Variants in TMEM272 observed in about 807,000 individuals in gnomAD.
The protein encoded by TMEM272 is transmembrane protein 272.
In TMEM272, 8 loss-of-function variants were observed where a neutral mutation model predicts 3.7. That is an observed-to-expected ratio of 2.17 (90% CI 1.27 to 3.91). The LOEUF (loss-of-function observed/expected upper bound fraction) is 3.91, where lower values mean the gene tolerates loss of function less well. TMEM272 is among the 30% of genes most tolerant of loss of function. The pLI is 0.00. For missense variants in TMEM272, 166 were observed against 91.5 expected (o/e 1.81, Z -3.32); for synonymous variants, 63 against 39.8 (o/e 1.58, Z -2.20).
the TMEM272 span, among the ~76,000 whole-genome samples, chr13:51,926,088 T>C: frequency 6.6e-6 from 1 of 151,582 alleles, no homozygotes; most frequent in African/African-American, 2.4e-5. Flanking sequence ...TATGAGTGTG[T>C]GGTATGTGGT....
intron 1 of TMEM272, among the ~76,000 whole-genome samples, chr13:51,839,592 A>G (rs1956244256): frequency 6.6e-6 from 1 of 152,168 alleles, no homozygotes; most frequent in African/African-American, 2.4e-5. Flanking sequence ...AAACCAAGGG[A>G]CCACAGCATT....
At chr13:51,863,128 T>C in the TMEM272 span, among the ~76,000 whole-genome samples, 1 of 152,202 alleles carries the variant, frequency 6.6e-6, no homozygotes, top group Non-Finnish European at 1.5e-5. Flanking sequence ...GGATGCGACA[T>C]GTGCTTCACC....
chr13:51,883,673 G>A, the TMEM272 span, among the ~76,000 whole-genome samples: 153 of 152,220 alleles, frequency 1.0e-3, no homozygotes, highest in Non-Finnish European at 1.7e-3. Context: ...ATCTGGGCCC[G>A]GCAGCTCGGT....
At chr13:51,824,863 G>T (rs1005039616) in intron 3 of TMEM272, among the ~76,000 whole-genome samples, 3 of 152,246 alleles carry the variant, frequency 2.0e-5, no homozygotes, top group African/African-American at 7.2e-5. Flanking sequence ...TGAGGCACAA[G>T]AATCACTTGA....
the TMEM272 span, chr13:51,865,317 C>T: frequency 2.2e-6 from 3 of 1,391,072 alleles, no homozygotes; most frequent in South Asian, 4.2e-5. Context: ...TCTGTCTTTT[C>T]TGCTGCCCCC....
chr13:51,903,485 G>T, the TMEM272 span, among the ~76,000 whole-genome samples: 8 of 152,160 alleles, frequency 5.3e-5, no homozygotes, highest in African/African-American at 1.9e-4. Flanking sequence ...TGTCTCAGTT[G>T]TCACTTCAGG....
At chr13:51,901,048 C>T in the TMEM272 span, among the ~76,000 whole-genome samples, 2 of 152,124 alleles carry the variant, frequency 1.3e-5, no homozygotes, top group Non-Finnish European at 2.9e-5. Context: ...GATGGTTGCA[C>T]AATTCTATGA....
the TMEM272 span, among the ~76,000 whole-genome samples, chr13:51,889,213 T>C: frequency 4.6e-5 from 7 of 152,240 alleles, no homozygotes; most frequent in Admixed American, 3.9e-4. Flanking sequence ...TATTGCCAAA[T>C]TGCTTTTCTA....
chr13:51,891,118 G>GGCC, the TMEM272 span, among the ~76,000 whole-genome samples: 2 of 152,174 alleles, frequency 1.3e-5, no homozygotes, highest in South Asian at 4.1e-4. Context: ...GGCCCACACG[G>GGCC]AATGTGCTGG....
At chr13:51,849,962 C>T (rs1956323523), upstream of TMEM272, among the ~76,000 whole-genome samples, 1 of 152,192 alleles carries the variant, frequency 6.6e-6, no homozygotes, top group African/African-American at 2.4e-5. Context: ...ATGCCCGTGA[C>T]CGAGCACTTT....
At chr13:51,823,182 G>A (rs1381892201) in intron 3 of TMEM272, among the ~76,000 whole-genome samples, 3 of 152,198 alleles carry the variant, frequency 2.0e-5, no homozygotes, top group Non-Finnish European at 4.4e-5. Context: ...AGGCTCAAGC[G>A]ATTCTCCCAC....
At chr13:51,839,767 C>T (rs184919873) in intron 1 of TMEM272, among the ~76,000 whole-genome samples, 2 of 152,348 alleles carry the variant, frequency 1.3e-5, no homozygotes, top group East Asian at 3.9e-4. Context: ...AGTCACTCCA[C>T]CGCCAGCGTC....
At chr13:51,868,691 A>G in the TMEM272 span, among the ~76,000 whole-genome samples, 2 of 152,174 alleles carry the variant, frequency 1.3e-5, no homozygotes, top group Non-Finnish European at 2.9e-5. Context: ...AGCACAGGCA[A>G]ATATCTATGG....
At chr13:51,852,130 AT>A in the TMEM272 span, among the ~76,000 whole-genome samples, 1 of 152,206 alleles carries the variant, frequency 6.6e-6, no homozygotes, top group Admixed American at 6.5e-5. Flanking sequence ...AGCAGGGCCT[AT>A]TTCCTTCCAA....
chr13:51,886,982 A>AT, the TMEM272 span, among the ~76,000 whole-genome samples: 7 of 152,202 alleles, frequency 4.6e-5, no homozygotes, highest in African/African-American at 1.7e-4. Flanking sequence ...CATAACTGTT[A>AT]TATCAGAAAT....
Position 51,826,680 on chromosome 13 carries a change from T to C in TMEM272, c.59-55A>G, listed in dbSNP as rs948771047. Reference sequence around the variant, plus strand: ...GTTAGAAACACACAGACCCCTGCATTTCCTCTTCACTGCAGTTTCTTAAGC... The same window carrying C: ...GTTAGAAACACACAGACCCCTGCATCTCCTCTTCACTGCAGTTTCTTAAGC... On this transcript the variant is annotated intron_variant, in intron 2 of 4. Coordinates refer to ENST00000629372, the MANE Select transcript of TMEM272 (RefSeq NM_001351003.2). The C allele has an allele frequency of 5.3e-5, 37 of 701,310 alleles. 1 individual carries two copies. The South Asian group carries it at 5.5e-4, about 10-fold the overall frequency. 43.4% of individuals were successfully genotyped at this position (701,310 alleles called of 1,614,324 possible).
chr13:51,824,337 G>A (rs2139558369), intron 3 of TMEM272, among the ~76,000 whole-genome samples: 1 of 152,282 alleles, frequency 6.6e-6, no homozygotes, highest in African/African-American at 2.4e-5. Context: ...ACCAAATGTA[G>A]TGATTTTTAA....
chr13:51,891,108 G>T, the TMEM272 span, among the ~76,000 whole-genome samples: 1 of 152,076 alleles, frequency 6.6e-6, no homozygotes, highest in African/African-American at 2.4e-5. Flanking sequence ...TTGTGTTTGG[G>T]GCCCACACGG....
the TMEM272 span, chr13:51,865,616 C>T: frequency 2.1e-5 from 34 of 1,613,910 alleles, no homozygotes; most frequent in African/African-American, 2.7e-4. Flanking sequence ...CCATGCTTTC[C>T]GGGGCCAGAT....
Sources: allele counts gnomAD v4.1 joint callset (sites outside exome capture counted in the v4.1 genomes callset), GRCh38; gene constraint gnomAD v4.1.1; transcripts MANE v1.5; gene names NCBI Gene and HGNC (gene_info 2026-07-23, HGNC 2026-07-21).